PTDSS2: variants seen among roughly 807,000 people sequenced by gnomAD.
The protein encoded by PTDSS2 is PSS-2.
In PTDSS2, 41 loss-of-function variants were observed where a neutral mutation model predicts 64.7. The observed-to-expected ratio is 0.63, with a 90% CI of 0.49 to 0.82. PTDSS2 has a LOEUF of 0.82. Ranked by LOEUF, PTDSS2 falls within the 40% of genes least tolerant of loss-of-function variation. PTDSS2 has a pLI of 0.00. For synonymous variants in PTDSS2, 297 were observed against 277.8 expected (o/e 1.07, Z -0.69); for missense variants, 485 against 650.0 (o/e 0.75, Z 2.76).
intron 1 of PTDSS2, 112 bp downstream of exon 1, chr11:450,749 A>G (rs1846278374): frequency 2.0e-6 from 2 of 990,560 alleles, no homozygotes. Context: ...GGAGTCCAGG[A>G]CTGTGGCCGG....
chr11:486,853 AAT>A (rs1488648325), intron 4 of PTDSS2, 84 bp from the exon 5 acceptor site: 65 of 1,494,022 alleles, frequency 4.4e-5, no homozygotes, highest in Admixed American at 8.9e-5. Flanking sequence ...ATCTCAAAAA[AAT>A]AAAATAAATA....
At chr11:486,220 G>A (rs563685401) in intron 4 of PTDSS2, among the ~76,000 whole-genome samples, 4 of 152,246 alleles carry the variant, frequency 2.6e-5, no homozygotes, top group South Asian at 4.1e-4. Flanking sequence ...TGATGCCAGC[G>A]TCTGGGTGAG....
chr11:464,501 C>T (rs1172277288), intron 2 of PTDSS2, among the ~76,000 whole-genome samples: 4 of 152,088 alleles, frequency 2.6e-5, no homozygotes, highest in Non-Finnish European at 4.4e-5. Context: ...TGCCTCACCC[C>T]GGCTCGGGCA....
At position 479,031 on chromosome 11, in the gene PTDSS2, G is replaced by T; in HGVS notation, c.368-54G>T. ...CCAGGAGCCGGCCTGGGGCTGAGCG[G>T]GGCCGTGGAGGCCTGGACCGGGCGC... On this transcript the variant is annotated intron_variant, in intron 3 of 11. Coordinates refer to ENST00000308020, the MANE Select transcript of PTDSS2 (RefSeq NM_030783.3). The surrounding 1 kb of genome is among the most constrained non-coding windows in gnomAD (Gnocchi z 4.2). 6.7e-7 allele frequency: 1 copy of T among 1,486,392 alleles called. No individual in the cohort carries two copies. 92.1% of individuals were successfully genotyped at this position (1,486,392 alleles called of 1,614,324 possible).
rs537963215 is a variant in PTDSS2 at position 485,002 on chromosome 11, G to A, written c.436-1937G>A. Among the ~76,000 whole-genome samples, 168 of 146,924 alleles carry A rather than the reference G, an allele frequency of 1.1e-3. 1 individual carries two copies. Among genetic ancestry groups the A allele is most frequent in the African/African-American group, 3.9e-3 (154 of 39,332 alleles). ...CTGCACGGGCACGTGTGCTCACTGC[G>A]CAGGCGAGCGTAAACAGTGCACGGG... On this transcript the variant is annotated intron_variant, in intron 4 of 11. Coordinates refer to ENST00000308020, the MANE Select transcript of PTDSS2 (RefSeq NM_030783.3).
At position 466,401 on chromosome 11, in the gene PTDSS2, C is replaced by CTT. The variant is rs1226254389; in HGVS notation, c.284+6134_284+6135dup. ...AACGGGCACAGGAAAAACTGCCACT[C>CTT]TTTTTTTTTTTTTTTTTTTTTTGAG... On this transcript the variant is annotated intron_variant, in intron 2 of 11. Transcript: ENST00000308020. Among the ~76,000 whole-genome samples, 995 of 120,722 alleles carry CTT rather than the reference C, an allele frequency of 8.2e-3. 22 individuals carry two copies. The highest frequency in any genetic ancestry group is 0.027 in the African/African-American group (866 of 31,822). The allele number at this position is 120,722 out of a possible 152,430, so 79.2% of individuals were successfully genotyped here.
At chr11:455,233 G>T (rs1371430265) in intron 1 of PTDSS2, among the ~76,000 whole-genome samples, 1 of 152,194 alleles carries the variant, frequency 6.6e-6, no homozygotes, top group Admixed American at 6.5e-5. Context: ...CTCTTCCACG[G>T]TTAGCCTCCC....
chr11:468,252 C>T (rs190450958), intron 2 of PTDSS2, among the ~76,000 whole-genome samples: 94 of 152,330 alleles, frequency 6.2e-4, no homozygotes, highest in South Asian at 1.2e-3. Context: ...GATTTCAGCT[C>T]GATGACCTTC....
rs1443085959 is a variant in PTDSS2, at chr11:489,888, C to T, written c.1121C>T (p.Pro374Leu). 1 of 1,587,122 alleles carries T rather than the reference C, an allele frequency of 6.3e-7. No homozygotes were observed. The highest frequency in any genetic ancestry group is 1.3e-5 in the African/African-American group (1 of 74,666). Residue 374 changes from proline to leucine, a missense_variant, in exon 11 of 12, where the codon CCC (proline) becomes CTC (leucine). By Grantham distance (98) the Pro-to-Leu change is moderately conservative. Transcript: ENST00000308020. ...ACCCCCTGCTGCCCCTGCAGGAAGC[C>T]CCACAAGAAGCTGGGCCCGCAGGCC... is the stretch of plus-strand genomic sequence containing the variant. ...EIYDFMDDPK[P>L]HKKLGPQAWL...
In PTDSS2 at chr11:479,182, G is replaced by A. The variant is rs183180572; in HGVS notation, c.435+30G>A. The A allele has an allele frequency of 4.8e-5, 75 of 1,575,926 alleles. 2 individuals are homozygous for A. In the Middle Eastern group the frequency reaches 8.4e-4, roughly 18 times the overall value. ...GCTGTTTTTCTGGGTTGGATACCTG[G>A]GAACTTAGGTGACAGTGTGGCCCCA... On this transcript the variant is annotated intron_variant, in intron 4 of 11. Coordinates refer to ENST00000308020, the MANE Select transcript of PTDSS2 (RefSeq NM_030783.3). The surrounding 1 kb of genome is among the most constrained non-coding windows in gnomAD (Gnocchi z 4.2).
Position 450,295 on chromosome 11 carries a change from C to T in PTDSS2, c.-161C>T. ...ACAAGCCCCACAATGCACCGCACAC[C>T]CTTTACTGGCCGGCCCCGCGCTGCT... is the stretch of plus-strand genomic sequence containing the variant. On this transcript the variant is annotated 5_prime_UTR_variant, in exon 1 of 12. Coordinates refer to ENST00000308020, the MANE Select transcript of PTDSS2 (RefSeq NM_030783.3). The T allele has an allele frequency of 2.0e-6, 1 of 490,742 alleles. No individual in the cohort carries two copies. Among genetic ancestry groups the T allele is most frequent in the Admixed American group, 4.6e-5 (1 of 21,964 alleles). The allele number at this position is 490,742 out of a possible 1,614,324, so 30.4% of individuals were successfully genotyped here. A position where few individuals can be genotyped will look rare whatever the true frequency, so the allele number is the denominator to read the frequency against.
chr11:471,557 G>A (rs7108364), intron 2 of PTDSS2, among the ~76,000 whole-genome samples: 3,847 of 152,020 alleles, frequency 0.025, 156 homozygotes, highest in African/African-American at 0.088. Flanking sequence ...CTGGGGTGAC[G>A]CACGCCTGTC....
chr11:452,865 A>T (rs893794121), intron 1 of PTDSS2, among the ~76,000 whole-genome samples: 1 of 152,014 alleles, frequency 6.6e-6, no homozygotes, highest in African/African-American at 2.4e-5. Flanking sequence ...TGTGTTTTAG[A>T]GAGTTTTACT....
At chr11:474,025 T>C (rs749810385) in intron 3 of PTDSS2, 48 bp downstream of exon 3, 2 of 1,467,586 alleles carry the variant, frequency 1.4e-6, no homozygotes. Context: ...ATTTCTGTTC[T>C]GAGCGGCCAC....
In PTDSS2 at chr11:462,309, C is replaced by A. The variant is rs1253485479; in HGVS notation, c.284+2021C>A. On this transcript the variant is annotated intron_variant, in intron 2 of 11. Transcript: ENST00000308020. This position sits in a 1 kb window ranked among gnomAD's most constrained non-coding sequence, Gnocchi z 4.5. Reference sequence around the variant, plus strand: ...CCCAGCACTGGCCTCTCCTGAGTGGCCCCCGACGTGAGAGGCTGGGTTCTG... The same window carrying A: ...CCCAGCACTGGCCTCTCCTGAGTGGACCCCGACGTGAGAGGCTGGGTTCTG... Among the ~76,000 whole-genome samples, 1 of 152,140 alleles carries A rather than the reference C, an allele frequency of 6.6e-6. No homozygotes were observed. Among genetic ancestry groups the A allele is most frequent in the Non-Finnish European group, 1.5e-5 (1 of 68,004 alleles).
chr11:482,643 T>C (rs1263248687), intron 4 of PTDSS2, among the ~76,000 whole-genome samples: 1 of 152,256 alleles, frequency 6.6e-6, no homozygotes, highest in Admixed American at 6.5e-5. Flanking sequence ...ATTCCTGATC[T>C]TAGGGGAAAA....
intron 1 of PTDSS2, chr11:451,596 TG>T: frequency 3.9e-6 from 1 of 254,766 alleles, no homozygotes; most frequent in Non-Finnish European, 8.4e-6. Flanking sequence ...CGGCCAGCAG[TG>T]GAAGGAAGGC....
chr11:462,092 G>T lies in PTDSS2; in HGVS notation c.284+1804G>T, dbSNP rs189251234. Among the ~76,000 whole-genome samples, 1 of 152,256 alleles carries T rather than the reference G, an allele frequency of 6.6e-6. No homozygotes were observed. Among genetic ancestry groups the T allele is most frequent in the African/African-American group, 2.4e-5 (1 of 41,556 alleles). On this transcript the variant is annotated intron_variant, in intron 2 of 11. Coordinates refer to ENST00000308020, the MANE Select transcript of PTDSS2 (RefSeq NM_030783.3). The surrounding 1 kb of genome is among the most constrained non-coding windows in gnomAD (Gnocchi z 4.5). ...ATTGTCAAGAGCAGGAGTGCAGGGG[G>T]TGTCTTGGGAGCACTCCCCGAAAGC...
At position 476,704 on chromosome 11, in the gene PTDSS2, C is replaced by T. The variant is rs1363702301; in HGVS notation, c.368-2381C>T. Among the ~76,000 whole-genome samples the T allele has an allele frequency of 1.3e-5, 2 of 152,266 alleles. No homozygotes were observed. The highest frequency in any genetic ancestry group is 4.8e-5 in the African/African-American group (2 of 41,556). ...GAGCATCTGGGCCTGAAGGTCTTGG[C>T]GCTTCCAAAAGCTCCGGCCGCGGCG... On this transcript the variant is annotated intron_variant, in intron 3 of 11. Coordinates refer to ENST00000308020, the MANE Select transcript of PTDSS2 (RefSeq NM_030783.3). This position sits in a 1 kb window ranked among gnomAD's most constrained non-coding sequence, Gnocchi z 4.9.
Sources: gnomAD v4.1 joint callset for allele counts (sites outside exome capture counted in the v4.1 genomes callset) on GRCh38, gnomAD v4.1.1 for gene constraint, Gnocchi (gnomAD v3.1) non-coding constraint, MANE v1.5 for transcripts, NCBI Gene and HGNC (gene_info 2026-07-23, HGNC 2026-07-21) for gene names.